Variants in TALDO1 observed in about 807,000 individuals in gnomAD.
The protein encoded by TALDO1 is transaldolase.
TALDO1 carries 29 observed loss-of-function variants against 38.1 expected under a neutral mutation model. The ratio of observed to expected loss-of-function variants is 0.76; its 90% CI spans 0.57 to 1.04. The LOEUF (loss-of-function observed/expected upper bound fraction) is 1.04, where lower values mean the gene tolerates loss of function less well. Ranked by LOEUF, TALDO1 falls within the 50% of genes least tolerant of loss-of-function variation. TALDO1 has a pLI of 0.00. For synonymous variants in TALDO1, 207 were observed against 176.8 expected, an observed-to-expected ratio of 1.17 and a Z score of -1.36; for missense variants, 499 against 438.1, an observed-to-expected ratio of 1.14 and a Z score of -1.24.
intron 4 of TALDO1, chr11:760,484 C>T (rs910294625): frequency 5.2e-6 from 3 of 574,296 alleles, no homozygotes; most frequent in South Asian, 3.9e-5. Flanking sequence ...CCAGGAAGTA[C>T]CATCCACCCA....
chr11:753,680 C>T (rs891062642), intron 1 of TALDO1, among the ~76,000 whole-genome samples: 13 of 151,466 alleles, frequency 8.6e-5, no homozygotes, highest in African/African-American at 2.7e-4. Context: ...GCTGAGCTTG[C>T]GCCACTGCAC....
intron 6 of TALDO1, 106 bp downstream of exon 6, chr11:764,050 T>A: frequency 7.0e-7 from 1 of 1,436,294 alleles, no homozygotes; most frequent in Non-Finnish European, 9.4e-7. Context: ...GAGCTCATCT[T>A]GGGAGACATG....
chr11:747,775 T>A (rs1264319936), intron 1 of TALDO1, among the ~76,000 whole-genome samples, 197 bp downstream of exon 1: 1 of 150,540 alleles, frequency 6.6e-6, no homozygotes, highest in African/African-American at 2.5e-5. Flanking sequence ...GGGTCGGCCG[T>A]GAGAGGCGCA....
Position 764,325 on chromosome 11 carries a change from G to C in TALDO1, c.873G>C (p.Glu291Asp). 6.2e-7 allele frequency: 1 copy of C among 1,614,268 alleles called. No individual in the cohort carries two copies. Among genetic ancestry groups the C allele is most frequent in the East Asian group, 2.2e-5 (1 of 44,888 alleles). Residue 291 changes from glutamate (E) to aspartate (D), a missense_variant, in exon 7 of 8, where the codon GAG (glutamate) becomes GAC (aspartate). Coordinates refer to ENST00000319006, the MANE Select transcript of TALDO1 (RefSeq NM_006755.2). ...ACCTGGAAAAAATCCACCTGGATGAGAAGTCTTTCCGTTGGTTGCACAACG... is the reference window on the plus strand; with the variant it reads ...ACCTGGAAAAAATCCACCTGGATGACAAGTCTTTCCGTTGGTTGCACAACG... ...ASDLEKIHLD[E>D]KSFRWLHNED...
rs149640294 is a variant in TALDO1 at position 755,962 on chromosome 11, C to G, written c.181C>G (p.Leu61Val). The change falls in exon 2 of 8, where the codon CTG becomes GTG. Residue 61 changes from leucine to valine, a missense_variant. Leu to Val is a conservative substitution (Grantham distance 32). Transcript: ENST00000319006. ...AAAQMPAYQELVEEAIAYGRK... is the reference protein window; with the variant it reads ...AAAQMPAYQEVVEEAIAYGRK... The stretch of plus-strand genomic sequence containing the variant: ...AGCACAGATGCCCGCTTACCAGGAG[C>G]TGGTGGAGGAGGCGATTGCCTATGG... 334 of 1,614,014 alleles carry G rather than the reference C, an allele frequency of 2.1e-4. 3 individuals carry two copies. In the Middle Eastern group the frequency reaches 3.5e-3, roughly 17 times the overall value.
chr11:756,277 C>T (rs984329462), intron 2 of TALDO1: 14 of 465,302 alleles, frequency 3.0e-5, no homozygotes, highest in African/African-American at 2.6e-4. Flanking sequence ...CCCCCACAGG[C>T]CCCTCCTCCC....
Position 755,973 on chromosome 11 carries a change from G to T in TALDO1, c.192G>T (p.Glu64Asp), listed in dbSNP as rs1564991342. The T allele has an allele frequency of 6.2e-7, 1 of 1,613,734 alleles. No individual in the cohort carries two copies. ...QMPAYQELVE[E>D]AIAYGRKLGG... ...CCGCTTACCAGGAGCTGGTGGAGGA[G>T]GCGATTGCCTATGGCCGGAAGCTGG... Residue 64 changes from glutamate (E) to aspartate (D), a missense_variant, in exon 2 of 8, where the codon GAG becomes GAT. By Grantham distance (45) the Glu-to-Asp change is conservative (BLOSUM62 2). Coordinates refer to ENST00000319006, the MANE Select transcript of TALDO1 (RefSeq NM_006755.2).
chr11:752,145 C>G (rs1412471110), intron 1 of TALDO1: 1 of 152,014 alleles, frequency 6.6e-6, no homozygotes, highest in East Asian at 1.9e-4. Context: ...TCTCAGCTCA[C>G]TGCAAGCTCC....
intron 6 of TALDO1, 107 bp downstream of exon 6, chr11:764,051 G>T: frequency 7.0e-7 from 1 of 1,436,980 alleles, no homozygotes; most frequent in South Asian, 1.3e-5. Flanking sequence ...AGCTCATCTT[G>T]GGAGACATGA....
At chr11:759,728 C>T (rs895501702) in intron 3 of TALDO1, among the ~76,000 whole-genome samples, 11 of 152,048 alleles carry the variant, frequency 7.2e-5, no homozygotes, top group African/African-American at 2.4e-4. Flanking sequence ...TACAGACACC[C>T]GCCACCATAC....
Position 758,950 on chromosome 11 carries a change from G to T in TALDO1, c.222G>T (p.Gly74=). The change falls in exon 3 of 8, where the codon GGG becomes GGT. Residue 74 remains glycine, a splice_region_variant and synonymous_variant. Coordinates refer to ENST00000319006, the MANE Select transcript of TALDO1 (RefSeq NM_006755.2). The part of the protein sequence containing the change: ...EAIAYGRKLG[G]SQEDQIKNAI... ...TGCTTTTTTTCCCTTTGAATTTCAG[G>T]TCACAAGAGGACCAGATTAAAAATG... The T allele has an allele frequency of 6.2e-7, 1 of 1,609,826 alleles. No individual in the cohort carries two copies. Among genetic ancestry groups the T allele is most frequent in the Non-Finnish European group, 8.5e-7 (1 of 1,177,218 alleles).
rs554167605 is a variant in TALDO1, at chr11:764,986, C to T, written c.*141C>T. ...TTTCTGATTTTATGTAAAATTTTGC[C>T]TAATACATTAAAGCAGTCACTTTTC... On this transcript the variant is annotated 3_prime_UTR_variant, in exon 8 of 8. Transcript: ENST00000319006. The T allele has an allele frequency of 4.6e-5, 55 of 1,198,114 alleles. No individual in the cohort carries two copies. The African/African-American group carries it at 6.5e-4, about 14-fold the overall frequency. 74.2% of individuals were successfully genotyped at this position (1,198,114 alleles called of 1,614,324 possible). A position where few individuals can be genotyped will look rare whatever the true frequency, so the allele number is the denominator to read the frequency against.
rs1174545233 is a variant in TALDO1, at chr11:763,283, C to CCCCCGCCCTCACCTGT, written c.462-45_462-30dup. On this transcript the variant is annotated intron_variant, in intron 4 of 7. Transcript: ENST00000319006. ...CCCTCACCGTCCCCGCCCTCACCCG[C>CCCCCGCCCTCACCTGT]CCCCGCCCTCACCTGTCCCCGCCCT... is the stretch of plus-strand genomic sequence containing the variant. 1.1e-3 allele frequency: 324 copies of CCCCCGCCCTCACCTGT among 298,880 alleles called. 4 individuals carry two copies. The East Asian group carries it at 0.021, about 19-fold the overall frequency. 18.5% of individuals were successfully genotyped at this position (298,880 alleles called of 1,614,324 possible).
chr11:762,996 G>A (rs535524243), intron 4 of TALDO1, among the ~76,000 whole-genome samples: 97 of 152,286 alleles, frequency 6.4e-4, no homozygotes, highest in Non-Finnish European at 1.1e-3. Flanking sequence ...GGCCTCCCTT[G>A]CCTTTGTCTA....
intron 4 of TALDO1, among the ~76,000 whole-genome samples, chr11:761,409 G>A (rs1353988976): frequency 3.3e-5 from 5 of 151,622 alleles, no homozygotes; most frequent in Admixed American, 2.6e-4. Context: ...GCTGAGGCGG[G>A]AGGATCGCTT....
intron 3 of TALDO1, 41 bp from the exon 4 acceptor site, chr11:760,081 C>A: frequency 6.2e-7 from 1 of 1,612,216 alleles, no homozygotes; most frequent in Non-Finnish European, 8.5e-7. Context: ...TGGTGGGCAA[C>A]CTGCGTGATC....
chr11:755,135 CTTTTTTTTTTTTTTT>C (rs71022966), intron 1 of TALDO1, among the ~76,000 whole-genome samples: 2 of 59,604 alleles, frequency 3.4e-5, no homozygotes, highest in African/African-American at 6.8e-5. Context: ...TCCCCTTGGC[CTTTTTTTTTTTTTTT>C]TTTTTTTTTT....
chr11:764,431 A>T lies in TALDO1; in HGVS notation c.979A>T (p.Thr327Ser). Reference sequence around the variant, plus strand: ...TGCAGTGAAGCTGGAGCGGATGCTGACAGTGAGTGTTGTGTGTGGGTACCT... The same window carrying T: ...TGCAGTGAAGCTGGAGCGGATGCTGTCAGTGAGTGTTGTGTGTGGGTACCT... ...ADAVKLERML[T>S]ERMFNAENGK The change falls in exon 7 of 8, where the codon ACA (threonine) becomes TCA (serine). Residue 327 changes from threonine to serine, a missense_variant and splice_region_variant. By Grantham distance (58) the Thr-to-Ser change is moderately conservative (BLOSUM62 1). Transcript: ENST00000319006. The T allele has an allele frequency of 6.2e-7, 1 of 1,610,166 alleles. No homozygotes were observed.
intron 2 of TALDO1, 145 bp downstream of exon 2, chr11:756,147 T>A: frequency 2.4e-6 from 3 of 1,232,872 alleles, no homozygotes; most frequent in South Asian, 1.5e-5. Flanking sequence ...TATTTTTGTT[T>A]ATTGAAGTGT....
Sources: gnomAD v4.1 joint callset for allele counts (sites outside exome capture counted in the v4.1 genomes callset) on GRCh38, gnomAD v4.1.1 for gene constraint, MANE v1.5 for transcripts, NCBI Gene and HGNC (gene_info 2026-07-23, HGNC 2026-07-21) for gene names.